MELK: variants seen among roughly 807,000 people sequenced by gnomAD.
MELK encodes maternal embryonic leucine zipper kinase, also known as pEg3 kinase.
Under a neutral mutation model 85.0 loss-of-function variants are expected in MELK, and 81 were observed. The observed-to-expected ratio is 0.95, with a 90% confidence interval of 0.80 to 1.15. The LOEUF (loss-of-function observed/expected upper bound fraction) is 1.15. MELK is among the 50% of genes most tolerant of loss of function. The pLI is 0.00. For synonymous variants in MELK, 252 were observed against 265.0 expected (o/e 0.95, Z 0.48); for missense variants, 754 against 777.5 (o/e 0.97, Z 0.36).
rs368683699 is a variant in MELK, at chr9:36,643,762, G to A, written c.921+679G>A. ...ATCCTGGCTAACACAGTGAAACCCCGTCTCTACTAAAAATACAAAAAATTA... is the reference window on the plus strand; with the variant it reads ...ATCCTGGCTAACACAGTGAAACCCCATCTCTACTAAAAATACAAAAAATTA... On this transcript the variant is annotated intron_variant, in intron 11 of 17. Transcript: ENST00000298048. Among the ~76,000 whole-genome samples the A allele has an allele frequency of 5.9e-4, 89 of 151,986 alleles. 1 individual carries two copies. The East Asian group carries it at 7.0e-3, about 12-fold the overall frequency.
At chr9:36,594,923 A>AC in intron 5 of MELK, 152 bp downstream of exon 5, 1 of 683,634 alleles carries the variant, frequency 1.5e-6, no homozygotes. Flanking sequence ...TTTTCCTCTT[A>AC]CTTTTTTTTT....
At chr9:36,597,701 A>T (rs1490463331) in intron 6 of MELK, among the ~76,000 whole-genome samples, 1 of 152,254 alleles carries the variant, frequency 6.6e-6, no homozygotes, top group South Asian at 2.1e-4. Flanking sequence ...TCTATAACTA[A>T]CAATTAGTTA....
intron 11 of MELK, among the ~76,000 whole-genome samples, chr9:36,645,809 C>G (rs1830169293): frequency 6.6e-6 from 1 of 152,172 alleles, no homozygotes; most frequent in African/African-American, 2.4e-5. Context: ...TAGATCCTTG[C>G]TGTTCAAAGT....
intron 11 of MELK, among the ~76,000 whole-genome samples, chr9:36,643,738 T>G (rs576360702): frequency 6.6e-6 from 1 of 151,948 alleles, no homozygotes; most frequent in Non-Finnish European, 1.5e-5. Flanking sequence ...ATCGAGACCA[T>G]CCTGGCTAAC....
At chr9:36,648,498 T>C (rs999780601) in intron 11 of MELK, among the ~76,000 whole-genome samples, 1 of 152,096 alleles carries the variant, frequency 6.6e-6, no homozygotes, top group Non-Finnish European at 1.5e-5. Context: ...GGCAGAAGAC[T>C]GGAGGTCACA....
chr9:36,633,882 A>G (rs1196343035), intron 10 of MELK, among the ~76,000 whole-genome samples: 3 of 152,224 alleles, frequency 2.0e-5, no homozygotes, highest in Non-Finnish European at 4.4e-5. Flanking sequence ...GATATGCAAT[A>G]GGAAAAGGAA....
chr9:36,630,631 T>C (rs1023193656), intron 9 of MELK, among the ~76,000 whole-genome samples: 3 of 152,064 alleles, frequency 2.0e-5, no homozygotes, highest in Non-Finnish European at 4.4e-5. Flanking sequence ...CACTCTCTTT[T>C]ATTCCAAAAT....
chr9:36,643,200 T>G, intron 11 of MELK, 117 bp downstream of exon 11: 1 of 705,290 alleles, frequency 1.4e-6, no homozygotes, highest in Non-Finnish European at 2.3e-6. Context: ...CTGGCCAATG[T>G]GGTGAAACCC....
Position 36,589,613 on chromosome 9 carries a change from T to C in MELK, c.222T>C (p.His74=), listed in dbSNP as rs766210416. Residue 74 remains histidine (H), a synonymous_variant, in exon 4 of 18, where the codon CAT becomes CAC. Transcript: ENST00000298048. ...LRHQHICQLY[H]VLETANKIFM... ...ATCAGCATATATGTCAACTCTACCA[T>C]GTGCTAGAGACAGCCAACAAAATAT... 1 of 1,613,922 alleles carries C rather than the reference T, an allele frequency of 6.2e-7. No individual in the cohort carries two copies. The highest frequency in any genetic ancestry group is 1.1e-5 in the South Asian group (1 of 91,082).
At position 36,592,780 on chromosome 9, in the gene MELK, C is replaced by T. The variant is rs2135404544; in HGVS notation, c.262-1848C>T. On this transcript the variant is annotated intron_variant, in intron 4 of 17. Coordinates refer to ENST00000298048, the MANE Select transcript of MELK (RefSeq NM_014791.4). ...TCTTTTTGTAAAACTTACTGTATAA[C>T]ATTAAAACATTTCCTATTGAGGTAT... Among the ~76,000 whole-genome samples, 2 of 152,156 alleles carry T rather than the reference C, an allele frequency of 1.3e-5. 1 individual carries two copies. Among genetic ancestry groups the T allele is most frequent in the South Asian group, 4.1e-4 (2 of 4,820 alleles).
chr9:36,573,351 G>C (rs1466408381), intron 1 of MELK, among the ~76,000 whole-genome samples: 1 of 152,150 alleles, frequency 6.6e-6, no homozygotes, highest in Non-Finnish European at 1.5e-5. Flanking sequence ...GTTGACAGAA[G>C]GGTTTCGAGT....
At chr9:36,633,865 TCA>T (rs1828870910) in intron 10 of MELK, among the ~76,000 whole-genome samples, 1 of 152,196 alleles carries the variant, frequency 6.6e-6, no homozygotes, top group African/African-American at 2.4e-5. Flanking sequence ...AAATGCAGCC[TCA>T]CACAGATATG....
chr9:36,650,157 A>T (rs1318796490), intron 11 of MELK, among the ~76,000 whole-genome samples: 2 of 151,724 alleles, frequency 1.3e-5, no homozygotes, highest in Admixed American at 6.6e-5. Context: ...GTTAGCCAGG[A>T]TGGTCTCGAT....
chr9:36,618,422 GAA>G (rs886760310), intron 8 of MELK, among the ~76,000 whole-genome samples: 33 of 146,424 alleles, frequency 2.3e-4, no homozygotes, highest in Non-Finnish European at 2.9e-4. Flanking sequence ...AAAAAAAAAA[GAA>G]AAAGAAAATT....
intron 11 of MELK, among the ~76,000 whole-genome samples, chr9:36,650,965 C>T (rs947282454): frequency 2.0e-5 from 3 of 152,060 alleles, no homozygotes; most frequent in African/African-American, 7.2e-5. Flanking sequence ...TTTTTATCTT[C>T]AGGAAAAACA....
chr9:36,641,227 C>T (rs1348225212), intron 10 of MELK, among the ~76,000 whole-genome samples: 1 of 152,196 alleles, frequency 6.6e-6, no homozygotes, highest in Non-Finnish European at 1.5e-5. Flanking sequence ...AGAATTATGA[C>T]TGTTGGTGAA....
At chr9:36,597,082 C>G (rs934588500) in intron 5 of MELK, 140 bp from the exon 6 acceptor site, 6 of 630,138 alleles carry the variant, frequency 9.5e-6, no homozygotes, top group Non-Finnish European at 1.7e-5. Context: ...AAATAATCCT[C>G]TCTCATCTGC....
intron 8 of MELK, among the ~76,000 whole-genome samples, chr9:36,611,224 T>C (rs1266769700): frequency 1.3e-5 from 2 of 152,182 alleles, no homozygotes; most frequent in Admixed American, 6.5e-5. Flanking sequence ...AGCTGACAGA[T>C]TTCTCCAAAG....
chr9:36,584,321 C>CTTTTTTTTT (rs1433344914), intron 3 of MELK, among the ~76,000 whole-genome samples: 1 of 84,756 alleles, frequency 1.2e-5, no homozygotes, highest in Non-Finnish European at 2.5e-5. Context: ...CTTTTCTTTA[C>CTTTTTTTTT]TTTTTTTTTT....
Sources: gnomAD v4.1 joint callset for allele counts (sites outside exome capture counted in the v4.1 genomes callset) on GRCh38, gnomAD v4.1.1 for gene constraint, MANE v1.5 for transcripts, NCBI Gene and HGNC (gene_info 2026-07-23, HGNC 2026-07-21) for gene names.